Variants in KHDC1 observed in about 807,000 individuals in gnomAD.
KHDC1 encodes KH domain containing 1, also known as KH homology domain-containing protein 1.
In KHDC1, 21 loss-of-function variants were observed where a neutral mutation model predicts 24.7. The ratio of observed to expected loss-of-function variants is 0.85; its 90% CI spans 0.60 to 1.23. The LOEUF is 1.23. KHDC1 is among the 50% of genes most tolerant of loss of function. KHDC1 has a pLI of 0.00. For missense variants in KHDC1, 274 were observed against 298.5 expected (o/e 0.92, Z 0.61); for synonymous variants, 98 against 111.7 (o/e 0.88, Z 0.77).
intron 2 of KHDC1, among the ~76,000 whole-genome samples, chr6:73,257,693 G>C (rs1766906197): frequency 6.6e-6 from 1 of 151,840 alleles, no homozygotes; most frequent in South Asian, 2.1e-4. Flanking sequence ...CACCATGCCT[G>C]GCCCTTTTTG....
chr6:73,263,447 C>T (rs573221735), intron 2 of KHDC1: 2 of 238,732 alleles, frequency 8.4e-6, no homozygotes, highest in Non-Finnish European at 1.4e-5. Flanking sequence ...ATCTCTTGCT[C>T]TCAGCCCGGA....
chr6:73,295,015 G>A (rs1367151761), intron 1 of KHDC1, among the ~76,000 whole-genome samples: 2 of 151,710 alleles, frequency 1.3e-5, no homozygotes, highest in South Asian at 2.1e-4. Flanking sequence ...GTCACCAGGT[G>A]TGGTGGCACA....
chr6:73,309,610 G>A, exon 1 of KHDC1: 1 of 1,548,576 alleles, frequency 6.5e-7, no homozygotes. Context: ...GCATCGCAAG[G>A]GTCTGGAGAA....
intron 1 of KHDC1, chr6:73,299,412 A>G (rs1767821739): frequency 6.6e-6 from 1 of 152,310 alleles, no homozygotes; most frequent in South Asian, 2.1e-4. Context: ...CGCGGTTCAC[A>G]TTCTCTTCCA....
At chr6:73,309,038 G>A (rs764368609) in intron 1 of KHDC1, among the ~76,000 whole-genome samples, 2 of 152,032 alleles carry the variant, frequency 1.3e-5, no homozygotes, top group African/African-American at 2.4e-5. Flanking sequence ...TTGGCCAGGC[G>A]GGTCTGAAAC....
At chr6:73,266,398 T>G (rs1767079179) in intron 2 of KHDC1, among the ~76,000 whole-genome samples, 1 of 152,220 alleles carries the variant, frequency 6.6e-6, no homozygotes, top group South Asian at 2.1e-4. Flanking sequence ...TAGGCACTAC[T>G]GCATGGATAT....
chr6:73,310,188 A>G lies in KHDC1; in HGVS notation c.-474T>C, dbSNP rs947006332. Reference sequence around the variant, plus strand: ...AGGGTCTGGGCTCCGCGCCTTAATTACACCGCCCTGGACCCGCCTCTTCCG... The same window carrying G: ...AGGGTCTGGGCTCCGCGCCTTAATTGCACCGCCCTGGACCCGCCTCTTCCG... On this transcript the variant is annotated 5_prime_UTR_variant, in exon 1 of 5. Coordinates refer to ENST00000370384, the Ensembl canonical transcript of KHDC1. The G allele has an allele frequency of 5.2e-4, 87 of 167,876 alleles. No individual in the cohort carries two copies. The Middle Eastern group carries it at 8.3e-3, about 16-fold the overall frequency. 10.4% of individuals were successfully genotyped at this position (167,876 alleles called of 1,614,324 possible).
intron 2 of KHDC1, among the ~76,000 whole-genome samples, chr6:73,263,815 A>G (rs893968236): frequency 1.3e-5 from 2 of 152,172 alleles, no homozygotes; most frequent in Non-Finnish European, 2.9e-5. Context: ...ATGGCCTCAA[A>G]CATGAATTTG....
chr6:73,296,829 T>G (rs551776493), intron 1 of KHDC1, among the ~76,000 whole-genome samples: 43 of 152,236 alleles, frequency 2.8e-4, no homozygotes, highest in African/African-American at 7.9e-4. Context: ...CAGTGAAGTC[T>G]TTTTCAACCT....
chr6:73,298,714 TGA>T (rs1462489976), intron 1 of KHDC1, among the ~76,000 whole-genome samples: 1 of 151,774 alleles, frequency 6.6e-6, no homozygotes, highest in African/African-American at 2.4e-5. Context: ...ATTACAGGCT[TGA>T]GCCACTACGC....
intron 2 of KHDC1, 32 bp from the exon 1 acceptor site, chr6:73,263,228 G>C (rs1039650416): frequency 4.7e-5 from 46 of 986,824 alleles, no homozygotes; most frequent in Non-Finnish European, 5.2e-5. Context: ...GCGCGGCTGC[G>C]GCGCGGGAAG....
At chr6:73,251,935 C>T (rs1165372403) in intron 2 of KHDC1, among the ~76,000 whole-genome samples, 1 of 151,770 alleles carries the variant, frequency 6.6e-6, no homozygotes, top group African/African-American at 2.4e-5. Flanking sequence ...GTAGCCCAGG[C>T]TGATCTTGAA....
At chr6:73,247,226 C>A (rs1344129255) in intron 2 of KHDC1, among the ~76,000 whole-genome samples, 1 of 151,980 alleles carries the variant, frequency 6.6e-6, no homozygotes, top group Non-Finnish European at 1.5e-5. Context: ...GATCACCCAC[C>A]TCAGCCTCCC....
Position 73,241,666 on chromosome 6 carries a change from T to C in KHDC1, c.577A>G (p.Ile193Val), listed in dbSNP as rs201194392. ...TCTCCAGTGTATGGTGGCACACTAA[T>C]GGAGGTGACCAGGTCATCGTTGGTC... Residue 193 changes from isoleucine (I) to valine (V), a missense_variant, in exon 5 of 5, where the codon ATT becomes GTT. Ile to Val is a conservative substitution (Grantham distance 29). Transcript: ENST00000370384. The C allele has an allele frequency of 2.7e-3, 4,407 of 1,614,158 alleles. 10 individuals carry two copies. Among genetic ancestry groups the C allele is most frequent in the Non-Finnish European group, 3.1e-3 (3,687 of 1,180,020 alleles).
At chr6:73,270,816 G>A (rs570666719) in intron 2 of KHDC1, among the ~76,000 whole-genome samples, 8 of 151,150 alleles carry the variant, frequency 5.3e-5, no homozygotes, top group Admixed American at 2.0e-4. Context: ...TCAGCCTCCC[G>A]AGTAGCTGGG....
At chr6:73,247,855 C>CAAA (rs60650206) in intron 2 of KHDC1, among the ~76,000 whole-genome samples, 8,551 of 89,350 alleles carry the variant, frequency 0.096, 470 homozygotes, top group Middle Eastern at 0.14. Flanking sequence ...GACTCTGTCT[C>CAAA]AAAAAAAAAA....
intron 2 of KHDC1, among the ~76,000 whole-genome samples, chr6:73,285,649 C>CTTTTTTTTTTTTTTT (rs539979246): frequency 7.7e-6 from 1 of 130,072 alleles, no homozygotes; most frequent in Non-Finnish European, 1.6e-5. Flanking sequence ...TCTTTTTTTT[C>CTTTTTTTTTTTTTTT]TTTTTTTTTT....
intron 2 of KHDC1, among the ~76,000 whole-genome samples, chr6:73,246,309 T>C (rs1766663736): frequency 6.6e-6 from 1 of 152,350 alleles, no homozygotes; most frequent in Non-Finnish European, 1.5e-5. Context: ...GAGAAGGTCA[T>C]ACACTAACAG....
chr6:73,262,461 C>G (rs571977193), intron 2 of KHDC1, among the ~76,000 whole-genome samples: 1 of 152,144 alleles, frequency 6.6e-6, no homozygotes, highest in South Asian at 2.1e-4. Context: ...ACACCTCATG[C>G]GATTACTTTA....
Sources: gnomAD v4.1 joint callset for allele counts (sites outside exome capture counted in the v4.1 genomes callset) on GRCh38, gnomAD v4.1.1 for gene constraint, MANE v1.5 for transcripts, NCBI Gene and HGNC (gene_info 2026-07-23, HGNC 2026-07-21) for gene names.